LAMA2: variants seen among roughly 807,000 people sequenced by gnomAD.
The protein encoded by LAMA2 is laminin subunit alpha-2.
Under a neutral mutation model 364.8 loss-of-function variants are expected in LAMA2, and 269 were observed. The ratio of observed to expected loss-of-function variants is 0.74; its 90% CI spans 0.67 to 0.82. LAMA2 has a LOEUF of 0.82. LAMA2 is among the 40% of genes least tolerant of loss of function. The pLI, the probability that LAMA2 is intolerant of heterozygous loss-of-function variation, is 0.00. For synonymous variants in LAMA2, 1,379 were observed against 1,370.6 expected, an observed-to-expected ratio of 1.01 and a Z score of -0.14; for missense variants, 3,807 against 3,873.2, an observed-to-expected ratio of 0.98 and a Z score of 0.45.
chr6:129,228,414 G>A (rs1436906774), intron 12 of LAMA2, among the ~76,000 whole-genome samples: 2 of 152,114 alleles, frequency 1.3e-5, no homozygotes, highest in Non-Finnish European at 2.9e-5. Flanking sequence ...CCCATATTCT[G>A]TGTCGCTCAT....
chr6:129,031,807 TG>T (rs1786246859), intron 1 of LAMA2, among the ~76,000 whole-genome samples: 1 of 141,994 alleles, frequency 7.0e-6, no homozygotes, highest in Non-Finnish European at 1.6e-5. Flanking sequence ...TACTAAATCC[TG>T]ATATGAATTT....
At chr6:129,135,813 AT>A (rs974534942) in intron 4 of LAMA2, among the ~76,000 whole-genome samples, 1 of 152,216 alleles carries the variant, frequency 6.6e-6, no homozygotes, top group African/African-American at 2.4e-5. Flanking sequence ...TGGTGTCTGC[AT>A]TTGATAAAAT....
intron 3 of LAMA2, among the ~76,000 whole-genome samples, chr6:129,094,408 G>C (rs553811508): frequency 1.3e-5 from 2 of 152,186 alleles, no homozygotes; most frequent in Non-Finnish European, 1.5e-5. Flanking sequence ...CCGTGTCACT[G>C]CTGGCAGTTA....
chr6:129,078,174 G>A (rs775321383), intron 3 of LAMA2, among the ~76,000 whole-genome samples: 2 of 150,556 alleles, frequency 1.3e-5, no homozygotes, highest in South Asian at 2.1e-4. Flanking sequence ...TTGCTGTGTC[G>A]CTCAGACTGG....
chr6:129,481,577 A>G, intron 55 of LAMA2, 138 bp downstream of exon 55: 1 of 749,200 alleles, frequency 1.3e-6, no homozygotes, highest in Non-Finnish European at 2.4e-6. Flanking sequence ...CCATATTTCC[A>G]TGCTGGCCTC....
chr6:129,427,534 T>G (rs571103638), intron 40 of LAMA2, among the ~76,000 whole-genome samples: 1 of 152,324 alleles, frequency 6.6e-6, no homozygotes, highest in South Asian at 2.1e-4. Context: ...CCCTAAACAT[T>G]GAAGTTCCTA....
At chr6:129,463,727 G>T (rs1394724721) in intron 49 of LAMA2, among the ~76,000 whole-genome samples, 2 of 151,956 alleles carry the variant, frequency 1.3e-5, no homozygotes, top group Admixed American at 6.6e-5. Context: ...TCCAAGTACT[G>T]TATTGTATGT....
intron 1 of LAMA2, among the ~76,000 whole-genome samples, chr6:128,978,772 G>A (rs1032884418): frequency 2.0e-5 from 3 of 152,234 alleles, no homozygotes; most frequent in Admixed American, 2.0e-4. Context: ...GCAGTCAGTA[G>A]ACGCTTGCTT....
intron 12 of LAMA2, among the ~76,000 whole-genome samples, chr6:129,217,547 C>T (rs1332419555): frequency 6.6e-6 from 1 of 152,120 alleles, no homozygotes; most frequent in East Asian, 1.9e-4. Context: ...ATAAATAGTG[C>T]TTTCAATAGA....
chr6:129,354,862 A>G (rs1381784466), intron 32 of LAMA2, among the ~76,000 whole-genome samples: 1 of 152,198 alleles, frequency 6.6e-6, no homozygotes, highest in East Asian at 1.9e-4. Flanking sequence ...ATTTATCATT[A>G]GAAATCGTAA....
At chr6:129,470,444 G>T (rs1783755337) in intron 51 of LAMA2, among the ~76,000 whole-genome samples, 2 of 151,856 alleles carry the variant, frequency 1.3e-5, no homozygotes, top group African/African-American at 2.4e-5. Context: ...ACTTGAGTTT[G>T]CCCAGATGGC....
chr6:129,398,848 T>C (rs888808754), intron 37 of LAMA2, among the ~76,000 whole-genome samples: 5 of 152,218 alleles, frequency 3.3e-5, no homozygotes, highest in Non-Finnish European at 7.3e-5. Context: ...TATATAAAAC[T>C]GTCTTTATGG....
chr6:128,883,446 G>T, intron 1 of LAMA2, 89 bp downstream of exon 1: 1 of 1,538,328 alleles, frequency 6.5e-7, no homozygotes, highest in Non-Finnish European at 8.7e-7. Context: ...GCTGTCTGTG[G>T]ACTGCCGTCT....
At chr6:129,348,027 A>AGT (rs201492379) in intron 30 of LAMA2, among the ~76,000 whole-genome samples, 10 of 151,786 alleles carry the variant, frequency 6.6e-5, no homozygotes, top group Admixed American at 6.6e-5. Flanking sequence ...TATGTATAAG[A>AGT]GTGTGTGTGT....
chr6:129,032,547 T>C (rs1018785886), intron 1 of LAMA2, among the ~76,000 whole-genome samples: 20 of 152,314 alleles, frequency 1.3e-4, no homozygotes, highest in Non-Finnish European at 2.2e-4. Flanking sequence ...TCAGAGGACA[T>C]TGTAAGCCAG....
At chr6:129,005,682 T>A (rs1784405747) in intron 1 of LAMA2, among the ~76,000 whole-genome samples, 1 of 150,890 alleles carries the variant, frequency 6.6e-6, no homozygotes, top group South Asian at 2.1e-4. Context: ...TATATATTAA[T>A]CCAAAGCCGT....
At chr6:129,079,225 G>A (rs540528618) in intron 3 of LAMA2, among the ~76,000 whole-genome samples, 1 of 152,188 alleles carries the variant, frequency 6.6e-6, no homozygotes, top group East Asian at 1.9e-4. Context: ...AGAGGGAGAA[G>A]CTACATTCAC....
At chr6:129,396,948 C>A (rs1252787036) in intron 37 of LAMA2, among the ~76,000 whole-genome samples, 1 of 140,142 alleles carries the variant, frequency 7.1e-6, no homozygotes, top group Non-Finnish European at 1.5e-5. Flanking sequence ...AGCACTCCAG[C>A]CTGGATGACA....
chr6:129,330,592 G>GTTTTTT (rs1406358715), intron 29 of LAMA2, among the ~76,000 whole-genome samples: 1 of 78,526 alleles, frequency 1.3e-5, no homozygotes. Context: ...TTGTTGTTTG[G>GTTTTTT]TTTTTGTTTT....
Sources: gnomAD v4.1 joint callset for allele counts (sites outside exome capture counted in the v4.1 genomes callset) on GRCh38, gnomAD v4.1.1 for gene constraint, MANE v1.5 for transcripts, NCBI Gene and HGNC (gene_info 2026-07-23, HGNC 2026-07-21) for gene names.